STUM: variants seen among roughly 807,000 people sequenced by gnomAD.
The protein encoded by STUM is stum, mechanosensory transduction mediator homolog.
STUM carries 8 observed loss-of-function variants against 15.3 expected under a neutral mutation model. That is an observed-to-expected ratio of 0.52 (90% confidence interval 0.31 to 0.94). The LOEUF (loss-of-function observed/expected upper bound fraction) is 0.94, where lower values mean the gene tolerates loss of function less well. Ranked by LOEUF, STUM falls within the 40% of genes least tolerant of loss-of-function variation. The pLI is 0.05. For missense variants in STUM, 142 were observed against 204.9 expected (o/e 0.69, Z 1.87); for synonymous variants, 78 against 88.7 (o/e 0.88, Z 0.68).
intron 1 of STUM, among the ~76,000 whole-genome samples, chr1:226,584,495 T>C (rs776038280): frequency 2.0e-5 from 3 of 152,178 alleles, no homozygotes; most frequent in African/African-American, 7.2e-5. Context: ...CGCCTGAGTC[T>C]ACAGTGGCTC....
rs976721261 is a variant in STUM at position 226,549,761 on chromosome 1, A to G, written c.202+655A>G. On this transcript the variant is annotated intron_variant, in intron 1 of 3. Transcript: ENST00000366788. The surrounding 1 kb of genome is among the most constrained non-coding windows in gnomAD (Gnocchi z 6.8). ...TTAGTTTGGATGCATGTGGCCAGAG[A>G]TGAACCCATAGCTCCCTCGGATCCC... Among the ~76,000 whole-genome samples, 1 of 152,296 alleles carries G rather than the reference A, an allele frequency of 6.6e-6. No individual in the cohort carries two copies. The highest frequency in any genetic ancestry group is 2.1e-4 in the South Asian group (1 of 4,822).
At chr1:226,590,424 C>T (rs1025351320) in intron 1 of STUM, among the ~76,000 whole-genome samples, 1 of 152,154 alleles carries the variant, frequency 6.6e-6, no homozygotes, top group Non-Finnish European at 1.5e-5. Context: ...CCTCTTCCTC[C>T]AGACGGTTCT....
At chr1:226,555,941 C>A (rs1667438467) in intron 1 of STUM, among the ~76,000 whole-genome samples, 1 of 152,160 alleles carries the variant, frequency 6.6e-6, no homozygotes, top group Admixed American at 6.5e-5. Flanking sequence ...TAATACGTTT[C>A]ATTTAACCCG....
intron 1 of STUM, among the ~76,000 whole-genome samples, chr1:226,590,328 T>C (rs553746126): frequency 1.3e-5 from 2 of 152,284 alleles, no homozygotes; most frequent in East Asian, 3.9e-4. Flanking sequence ...CGACTCCCTG[T>C]AGAGCCACTC....
chr1:226,586,024 C>A (rs76754562), intron 1 of STUM, among the ~76,000 whole-genome samples: 1,527 of 152,034 alleles, frequency 0.01, 20 homozygotes, highest in African/African-American at 0.035. Context: ...ATAAGGGCAT[C>A]AATTCCATCA....
At chr1:226,554,725 C>T (rs929448506) in intron 1 of STUM, among the ~76,000 whole-genome samples, 1 of 152,204 alleles carries the variant, frequency 6.6e-6, no homozygotes, top group Non-Finnish European at 1.5e-5. Context: ...GGCTCATTCC[C>T]AGCAGCACAC....
intron 1 of STUM, among the ~76,000 whole-genome samples, chr1:226,586,710 G>A (rs1029942849): frequency 2.0e-5 from 3 of 152,122 alleles, no homozygotes; most frequent in African/African-American, 7.2e-5. Context: ...ACCCATCCAT[G>A]GAAATGTCAT....
rs183345240 is a variant in STUM, at chr1:226,607,797, C to T, written c.*5757C>T. The stretch of plus-strand genomic sequence containing the variant: ...TGAATTTGCCAAAATGCCAACCATC[C>T]GGGCAGGTGTGGATGCCACAGTCCA... On this transcript the variant is annotated 3_prime_UTR_variant, in exon 4 of 4. Coordinates refer to ENST00000366788, the MANE Select transcript of STUM (RefSeq NM_001003665.4). The T allele has an allele frequency of 1.6e-4, 25 of 152,422 alleles. No homozygotes were observed. The East Asian group carries it at 2.9e-3, about 18-fold the overall frequency. The allele number at this position is 152,422 out of a possible 1,614,324, so 9.4% of individuals were successfully genotyped here. A position where few individuals can be genotyped will look rare whatever the true frequency, so the allele number is the denominator to read the frequency against.
intron 1 of STUM, among the ~76,000 whole-genome samples, chr1:226,550,510 C>T (rs913041070): frequency 1.3e-5 from 2 of 152,038 alleles, no homozygotes. Context: ...CAGAAATTCT[C>T]ACCTGCTGGA....
At chr1:226,568,215 G>T (rs1189767604) in intron 1 of STUM, among the ~76,000 whole-genome samples, 1 of 152,224 alleles carries the variant, frequency 6.6e-6, no homozygotes, top group African/African-American at 2.4e-5. Flanking sequence ...TTTGTGATTT[G>T]TCAAGTGTGT....
chr1:226,567,499 G>A lies in STUM; in HGVS notation c.202+18393G>A, dbSNP rs1227292342. ...AAAGCAGATTTAATGAGAAGAGGTA[G>A]ATGGTCCCGATGGCCCTAAACAGCA... On this transcript the variant is annotated intron_variant, in intron 1 of 3. Coordinates refer to ENST00000366788, the MANE Select transcript of STUM (RefSeq NM_001003665.4). The surrounding 1 kb of genome is among the most constrained non-coding windows in gnomAD (Gnocchi z 4.5). Among the ~76,000 whole-genome samples, 4 of 152,234 alleles carry A rather than the reference G, an allele frequency of 2.6e-5. No individual in the cohort carries two copies. Among genetic ancestry groups the A allele is most frequent in the African/African-American group, 9.6e-5 (4 of 41,462 alleles).
intron 1 of STUM, among the ~76,000 whole-genome samples, chr1:226,593,061 C>A (rs10916011): frequency 6.6e-6 from 1 of 151,970 alleles, no homozygotes; most frequent in African/African-American, 2.4e-5. Context: ...TGGTGCATGC[C>A]TGTAATCCCA....
Position 226,609,106 on chromosome 1 carries a change from T to G in STUM, c.*7066T>G, listed in dbSNP as rs1374427962. The stretch of plus-strand genomic sequence containing the variant: ...ATAAATATATAAAGCATGACATCTC[T>G]TTGGCATTCCAAGTTTGTGTTTTTT... On this transcript the variant is annotated 3_prime_UTR_variant, in exon 4 of 4. Coordinates refer to ENST00000366788, the MANE Select transcript of STUM (RefSeq NM_001003665.4). 6.6e-6 allele frequency: 1 copy of G among 152,240 alleles called. No homozygotes were observed. The highest frequency in any genetic ancestry group is 2.4e-5 in the African/African-American group (1 of 41,464). 9.4% of individuals were successfully genotyped at this position (152,240 alleles called of 1,614,324 possible).
chr1:226,576,926 G>A (rs991127438), intron 1 of STUM, among the ~76,000 whole-genome samples: 1 of 152,218 alleles, frequency 6.6e-6, no homozygotes, highest in African/African-American at 2.4e-5. Flanking sequence ...AATATAAAGG[G>A]GAGTAAATGC....
intron 1 of STUM, among the ~76,000 whole-genome samples, chr1:226,559,650 T>A (rs1321113869): frequency 1.3e-5 from 2 of 152,146 alleles, no homozygotes. Flanking sequence ...TTGAGATGTG[T>A]TTACATACTA....
chr1:226,572,910 C>G (rs944166269), intron 1 of STUM, among the ~76,000 whole-genome samples: 1 of 152,224 alleles, frequency 6.6e-6, no homozygotes, highest in African/African-American at 2.4e-5. Context: ...GGCTCAGAGG[C>G]AAGAGGGACT....
At chr1:226,568,017 G>A (rs181173627) in intron 1 of STUM, among the ~76,000 whole-genome samples, 7 of 152,292 alleles carry the variant, frequency 4.6e-5, no homozygotes, top group Middle Eastern at 3.4e-3. Flanking sequence ...GGTCATGTGC[G>A]TGCCCGGGAG....
At chr1:226,579,462 G>A (rs1303151387) in intron 1 of STUM, among the ~76,000 whole-genome samples, 3 of 152,144 alleles carry the variant, frequency 2.0e-5, no homozygotes, top group African/African-American at 2.4e-5. Context: ...GGAGATAGAC[G>A]TTACATCAGA....
chr1:226,561,074 T>C (rs1667533915), intron 1 of STUM, among the ~76,000 whole-genome samples: 1 of 152,182 alleles, frequency 6.6e-6, no homozygotes, highest in Non-Finnish European at 1.5e-5. Flanking sequence ...TCCGAAAGCC[T>C]TTCCTGACCA....
Sources: allele counts gnomAD v4.1 joint callset (sites outside exome capture counted in the v4.1 genomes callset), GRCh38; gene constraint gnomAD v4.1.1; non-coding constraint Gnocchi (gnomAD v3.1); transcripts MANE v1.5; gene names NCBI Gene and HGNC (gene_info 2026-07-23, HGNC 2026-07-21).